Variants in AGER observed in about 807,000 individuals in gnomAD.
AGER encodes the protein advanced glycosylation end-product specific receptor, also known as advanced glycation end product-specific receptor.
A neutral mutation model predicts 48.8 loss-of-function variants in AGER; 46 were observed. The observed-to-expected ratio is 0.94, with a 90% CI of 0.74 to 1.20. The LOEUF is 1.20. AGER is among the 50% of genes most tolerant of loss of function. The pLI is 0.00. For missense variants in AGER, 489 were observed against 515.0 expected (o/e 0.95, Z 0.49); for synonymous variants, 170 against 199.9 (o/e 0.85, Z 1.26).
Position 32,182,788 on chromosome 6 carries a change from A to G in AGER, c.691+53T>C. On this transcript the variant is annotated intron_variant, in intron 6 of 10. Transcript: ENST00000375076. The surrounding 1 kb of genome is among the most constrained non-coding windows in gnomAD (Gnocchi z 5.1). ...TTGACTCCCTCTTTCCCTAAGGGTC[A>G]GACTTCCAGAACGTGCTCACGTGAG... 2 of 1,612,798 alleles carry G rather than the reference A, an allele frequency of 1.2e-6. No individual in the cohort carries two copies. Among genetic ancestry groups the G allele is most frequent in the Non-Finnish European group, 1.7e-6 (2 of 1,180,008 alleles).
Position 32,181,550 on chromosome 6 carries a change from C to A in AGER, c.991+56G>T, listed in dbSNP as rs979874998. The A allele has an allele frequency of 1.9e-6, 3 of 1,613,148 alleles. No homozygotes were observed. Among genetic ancestry groups the A allele is most frequent in the Non-Finnish European group, 2.5e-6 (3 of 1,180,042 alleles). ...ATTCCTTTCTTGTTGACCATCCCCC[C>A]AGTCACATGTGTTGGGGGCTATCTT... is the stretch of plus-strand genomic sequence containing the variant. On this transcript the variant is annotated intron_variant, in intron 9 of 10. Coordinates refer to ENST00000375076, the MANE Select transcript of AGER (RefSeq NM_001136.5). The surrounding 1 kb of genome is among the most constrained non-coding windows in gnomAD (Gnocchi z 4.1).
At position 32,182,842 on chromosome 6, in the gene AGER, C is replaced by G. The variant is rs775831505; in HGVS notation, c.690G>C (p.Trp230Cys). ...LRTAPIQPRV[W>C]EPVPLEEVQL... ...GGGGCCCTCCCCACCTATGCTCACC[C>G]CAGACACGGGGCTGGATGGGGGCTG... Residue 230 changes from tryptophan to cysteine, a missense_variant and splice_region_variant, in exon 6 of 11, where the codon TGG (tryptophan) becomes TGC (cysteine). Physicochemically the swap from Trp to Cys is radical, Grantham distance 215. Coordinates refer to ENST00000375076, the MANE Select transcript of AGER (RefSeq NM_001136.5). The surrounding 1 kb of genome is among the most constrained non-coding windows in gnomAD (Gnocchi z 5.1). 6.2e-7 allele frequency: 1 copy of G among 1,612,172 alleles called. No individual in the cohort carries two copies. Among genetic ancestry groups the G allele is most frequent in the Non-Finnish European group, 8.5e-7 (1 of 1,179,730 alleles).
At position 32,182,888 on chromosome 6, in the gene AGER, G is replaced by C. The variant is rs1244194657; in HGVS notation, c.644C>G (p.Pro215Arg). Residue 215 changes from proline (P) to arginine (R), a missense_variant, in exon 6 of 11, where the codon CCC (proline) becomes CGC (arginine). Pro to Arg is a moderately radical substitution (Grantham distance 103). Coordinates refer to ENST00000375076, the MANE Select transcript of AGER (RefSeq NM_001136.5). The surrounding 1 kb of genome is among the most constrained non-coding windows in gnomAD (Gnocchi z 5.1). ...GGCTGTGCGCAAGGCCCGGTGTCGG[G>C]GAAGGCCTGGGCTGAAGCTACAGGA... ...TFSCSFSPGL[P>R]RHRALRTAPI... The C allele has an allele frequency of 1.9e-6, 3 of 1,611,408 alleles. No homozygotes were observed. The African/African-American group carries it at 4.0e-5, about 22-fold the overall frequency.
In AGER at chr6:32,183,964, TG is replaced by T. The variant is rs1220449824; in HGVS notation, c.75del (p.Asn25LysfsTer12). On this transcript the variant is annotated frameshift_variant, in exon 2 of 11. Transcript: ENST00000375076. LOFTEE classifies it high-confidence loss of function. ...AGTGGCTCGCCAATCCGGGCTGTGA[TG>T]TTTTGAGCACCTACTACTGCCCCTG... ...SLWGAVVGAQNITARIGEPLV... is the reference protein window; with the variant it reads ...SLWGAVVGAQXITARIGEPLV... 4 of 1,612,914 alleles carry T rather than the reference TG, an allele frequency of 2.5e-6. No homozygotes were observed. In the African/African-American group the frequency reaches 5.3e-5, roughly 22 times the overall value.
chr6:32,183,914 G>A lies in AGER; in HGVS notation c.126C>T (p.Pro42=). The A allele has an allele frequency of 6.2e-7, 1 of 1,613,050 alleles. No individual in the cohort carries two copies. Among genetic ancestry groups the A allele is most frequent in the Non-Finnish European group, 8.5e-7 (1 of 1,180,020 alleles). The change falls in exon 2 of 11, where the codon CCC becomes CCT. Residue 42 remains proline (P), a synonymous_variant. Transcript: ENST00000375076. ...EPLVLKCKGA[P]KKPPQRLEWK... Reference sequence around the variant, plus strand: ...ATTCCAGCCGCTGGGGTGGTTTCTTGGGGGCCCCCTTACACTTCAGCACCA... The same window carrying A: ...ATTCCAGCCGCTGGGGTGGTTTCTTAGGGGCCCCCTTACACTTCAGCACCA...
chr6:32,183,893 C>T lies in AGER; in HGVS notation c.147G>A (p.Leu49=), dbSNP rs370229513. 13 of 1,612,966 alleles carry T rather than the reference C, an allele frequency of 8.1e-6. No homozygotes were observed. Among genetic ancestry groups the T allele is most frequent in the Middle Eastern group, 1.6e-4 (1 of 6,084 alleles). Residue 49 remains leucine, a synonymous_variant, in exon 2 of 11, where the codon CTG becomes CTA. Transcript: ENST00000375076. ...KGAPKKPPQR[L]EWKLNTGRTE... ...GAGCCCCGCTTACCAGTTTCCATTC[C>T]AGCCGCTGGGGTGGTTTCTTGGGGG...
chr6:32,181,014 G>T lies in AGER; in HGVS notation c.*129C>A. The T allele has an allele frequency of 1.1e-6, 1 of 920,240 alleles. No individual in the cohort carries two copies. 57.0% of individuals were successfully genotyped at this position (920,240 alleles called of 1,614,324 possible). ...ATCATCATTGTGGGGGGCTCTGGTTGTAGAAGAAAGCTTGGCAAGGTGGGG... is the reference window on the plus strand; with the variant it reads ...ATCATCATTGTGGGGGGCTCTGGTTTTAGAAGAAAGCTTGGCAAGGTGGGG... On this transcript the variant is annotated 3_prime_UTR_variant, in exon 11 of 11. Transcript: ENST00000375076. The surrounding 1 kb of genome is among the most constrained non-coding windows in gnomAD (Gnocchi z 4.1).
At position 32,181,674 on chromosome 6, in the gene AGER, G is replaced by C. The variant is rs772232699; in HGVS notation, c.965-42C>G. On this transcript the variant is annotated intron_variant, in intron 8 of 10. Coordinates refer to ENST00000375076, the MANE Select transcript of AGER (RefSeq NM_001136.5). The surrounding 1 kb of genome is among the most constrained non-coding windows in gnomAD (Gnocchi z 4.1). ...GATCCAGTCAGAAAGGAAGACTTCG[G>C]GTTGAGAGAGGGTTATTTAGTGGGA... The C allele has an allele frequency of 1.9e-5, 31 of 1,600,424 alleles. No individual in the cohort carries two copies. The highest frequency in any genetic ancestry group is 1.7e-4 in the Middle Eastern group (1 of 6,060).
rs559420109 is a variant in AGER at position 32,181,372 on chromosome 6, C to A, written c.1097G>T (p.Arg366Leu). The A allele has an allele frequency of 1.5e-5, 24 of 1,612,694 alleles. No individual in the cohort carries two copies. Among genetic ancestry groups the A allele is most frequent in the Non-Finnish European group, 2.0e-5 (24 of 1,179,142 alleles). ...TCACCTCTCCTCTCCTCGGCGTTGC[C>A]GCCTTTGCCACAAGATGACCCCAAT... Reference protein sequence around the residue: ...LLIGVILWQRRQRRGEERKAP... With the variant: ...LLIGVILWQRLQRRGEERKAP... The change falls in exon 10 of 11, where the codon CGG becomes CTG. Residue 366 changes from arginine (R) to leucine (L), a missense_variant. Physicochemically the swap from Arg to Leu is moderately radical, Grantham distance 102. Coordinates refer to ENST00000375076, the MANE Select transcript of AGER (RefSeq NM_001136.5). The surrounding 1 kb of genome is among the most constrained non-coding windows in gnomAD (Gnocchi z 4.1).
At position 32,182,040 on chromosome 6, in the gene AGER, C is replaced by A; in HGVS notation, c.964+207G>T. 1.2e-6 allele frequency: 1 copy of A among 816,724 alleles called. No homozygotes were observed. 50.6% of individuals were successfully genotyped at this position (816,724 alleles called of 1,614,324 possible). A position where few individuals can be genotyped will look rare whatever the true frequency, so the allele number is the denominator to read the frequency against. On this transcript the variant is annotated intron_variant, in intron 8 of 10. Transcript: ENST00000375076. This position sits in a 1 kb window ranked among gnomAD's most constrained non-coding sequence, Gnocchi z 5.1. The stretch of plus-strand genomic sequence containing the variant: ...GAGCCACCGCGCCCAGCCGTCTGTT[C>A]CTTTTTTTAGCTCAGAGGGAAGAAG...
chr6:32,183,303 TCTC>T lies in AGER; in HGVS notation c.420+18_420+20del, dbSNP rs762583206. On this transcript the variant is annotated intron_variant, in intron 4 of 10. Coordinates refer to ENST00000375076, the MANE Select transcript of AGER (RefSeq NM_001136.5). The stretch of plus-strand genomic sequence containing the variant: ...CCTGTTCACAGGGCCGTTTTCTACT[TCTC>T]CTGCTTTCTTCCACTACCTTATTGG... The T allele has an allele frequency of 6.6e-5, 106 of 1,613,012 alleles. No individual in the cohort carries two copies. Among genetic ancestry groups the T allele is most frequent in the East Asian group, 1.3e-4 (6 of 44,890 alleles).
Position 32,181,256 on chromosome 6 carries a change from G to C in AGER, c.1119-17C>G, listed in dbSNP as rs770950798. On this transcript the variant is annotated splice_polypyrimidine_tract_variant and intron_variant, in intron 10 of 10. Coordinates refer to ENST00000375076, the MANE Select transcript of AGER (RefSeq NM_001136.5). The surrounding 1 kb of genome is among the most constrained non-coding windows in gnomAD (Gnocchi z 4.1). ...GGGGCCTTCCTGAGGAGAAAGATTG[G>C]GGGGAATGCGGCACGTTGTCGTTCC... 2 of 1,614,056 alleles carry C rather than the reference G, an allele frequency of 1.2e-6. No homozygotes were observed. Among genetic ancestry groups the C allele is most frequent in the Non-Finnish European group, 1.7e-6 (2 of 1,180,032 alleles).
Position 32,181,022 on chromosome 6 carries a change from A to G in AGER, c.*121T>C. The G allele has an allele frequency of 9.9e-7, 1 of 1,007,678 alleles. No individual in the cohort carries two copies. The highest frequency in any genetic ancestry group is 1.5e-6 in the Non-Finnish European group (1 of 662,434). 62.4% of individuals were successfully genotyped at this position (1,007,678 alleles called of 1,614,324 possible). ...TGTGGGGGGCTCTGGTTGTAGAAGA[A>G]AGCTTGGCAAGGTGGGGTTATACAG... On this transcript the variant is annotated 3_prime_UTR_variant, in exon 11 of 11. Transcript: ENST00000375076. This position sits in a 1 kb window ranked among gnomAD's most constrained non-coding sequence, Gnocchi z 4.1.
Position 32,182,338 on chromosome 6 carries a change from T to C in AGER, c.873A>G (p.Ile291Met). 2 of 1,612,036 alleles carry C rather than the reference T, an allele frequency of 1.2e-6. No homozygotes were observed. The highest frequency in any genetic ancestry group is 1.6e-4 in the Middle Eastern group (1 of 6,062). Residue 291 changes from isoleucine (I) to methionine (M), a missense_variant, in exon 8 of 11, where the codon ATA becomes ATG. Transcript: ENST00000375076. This position sits in a 1 kb window ranked among gnomAD's most constrained non-coding sequence, Gnocchi z 5.1. The stretch of plus-strand genomic sequence containing the variant: ...TGTAGGTTCCCTGGTCCTGAGGCCC[T>C]ATCTCAGGGAGGATCAGCACAGGGC... ...PPSPVLILPE[I>M]GPQDQGTYSC...
In AGER at chr6:32,183,192, A is replaced by G. The variant is rs747497137; in HGVS notation, c.430T>C (p.Cys144Arg). ...TAGVPNKVGT[C>R]VSEGSYPAGT... ...GCAGGGTAGCTTCCCTCTGACACAC[A>G]TGTCCCCACCTGGGGAAAGAGTGGT... is the stretch of plus-strand genomic sequence containing the variant. The change falls in exon 5 of 11, where the codon TGT (cysteine) becomes CGT (arginine). Residue 144 changes from cysteine (C) to arginine (R), a missense_variant. Coordinates refer to ENST00000375076, the MANE Select transcript of AGER (RefSeq NM_001136.5). 3 of 1,613,030 alleles carry G rather than the reference A, an allele frequency of 1.9e-6. No homozygotes were observed. The highest frequency in any genetic ancestry group is 1.7e-5 in the Admixed American group (1 of 60,028).
rs1786522696 is a variant in AGER at position 32,182,960 on chromosome 6, T to G, written c.572A>C (p.Glu191Ala). 6.2e-7 allele frequency: 1 copy of G among 1,612,678 alleles called. No homozygotes were observed. The highest frequency in any genetic ancestry group is 8.5e-7 in the Non-Finnish European group (1 of 1,179,932). Reference protein sequence around the residue: ...PETGLFTLQSELMVTPARGGD... With the variant: ...PETGLFTLQSALMVTPARGGD... ...TCCCCGGGCTGGGGTCACCATTAGC[T>G]CCGACTGCAGTGTGAAGAGCCCTGT... The change falls in exon 6 of 11, where the codon GAG (glutamate) becomes GCG (alanine). Residue 191 changes from glutamate (E) to alanine (A), a missense_variant. Physicochemically the swap from Glu to Ala is moderately radical, Grantham distance 107. Coordinates refer to ENST00000375076, the MANE Select transcript of AGER (RefSeq NM_001136.5). This position sits in a 1 kb window ranked among gnomAD's most constrained non-coding sequence, Gnocchi z 5.1.
chr6:32,182,224 T>TA lies in AGER; in HGVS notation c.964+22dup, dbSNP rs1384728825. On this transcript the variant is annotated intron_variant, in intron 8 of 10. Transcript: ENST00000375076. The surrounding 1 kb of genome is among the most constrained non-coding windows in gnomAD (Gnocchi z 5.1). ...TCCTGCACCCTAGTCCCAGGGTCTG[T>TA]AGGGCTTGGGGAGAGGTCTCACCGA... The TA allele has an allele frequency of 6.2e-7, 1 of 1,612,690 alleles. No homozygotes were observed. The highest frequency in any genetic ancestry group is 8.5e-7 in the Non-Finnish European group (1 of 1,179,998).
At position 32,183,599 on chromosome 6, in the gene AGER, C is replaced by A. The variant is rs778489029; in HGVS notation, c.311G>T (p.Arg104Met). The stretch of plus-strand genomic sequence containing the variant: ...GTTGGACTTGGTCTCCTTTCCATTC[C>A]TGTTCATTGCCTGGCACCGGAAAAT... The part of the protein sequence containing the change: ...EGIFRCQAMN[R>M]NGKETKSNYR... Residue 104 changes from arginine (R) to methionine (M), a missense_variant, in exon 3 of 11, where the codon AGG (arginine) becomes ATG (methionine). Arg to Met is a moderately conservative substitution (Grantham distance 91). Transcript: ENST00000375076. 9 of 1,613,070 alleles carry A rather than the reference C, an allele frequency of 5.6e-6. 1 individual carries two copies. The highest frequency in any genetic ancestry group is 7.6e-6 in the Non-Finnish European group (9 of 1,180,042).
chr6:32,183,284 C>T, intron 4 of AGER, 40 bp downstream of exon 4: 1 of 1,613,152 alleles, frequency 6.2e-7, no homozygotes, highest in South Asian at 1.1e-5. Context: ...GCCTCCTGTT[C>T]ACAGGGCCGT....
Sources: allele counts gnomAD v4.1 joint callset, GRCh38; gene constraint gnomAD v4.1.1; non-coding constraint Gnocchi (gnomAD v3.1); transcripts MANE v1.5; gene names NCBI Gene and HGNC (gene_info 2026-07-23, HGNC 2026-07-21).